The following ZSCAN30 variants were observed in gnomAD, a reference collection of about 807,000 sequenced individuals.
The protein encoded by ZSCAN30 is zinc finger and SCAN domain containing 30.
A neutral mutation model predicts 44.3 loss-of-function variants in ZSCAN30; 37 were observed. The observed-to-expected ratio is 0.84, with a 90% CI of 0.64 to 1.10. The LOEUF (loss-of-function observed/expected upper bound fraction) is 1.10. Among genes scored for constraint, ZSCAN30 ranks in the 50% least tolerant of loss-of-function variants. ZSCAN30 has a pLI of 0.00. For missense variants in ZSCAN30, 549 were observed against 582.6 expected (o/e 0.94, Z 0.59); for synonymous variants, 181 against 204.6 (o/e 0.88, Z 0.98).
chr18:35,255,430 G>T (rs1184589604), intron 3 of ZSCAN30, among the ~76,000 whole-genome samples: 1 of 151,966 alleles, frequency 6.6e-6, no homozygotes, highest in East Asian at 2.0e-4. Context: ...TCAGGAAACT[G>T]AGGCTCAGAG....
intron 1 of ZSCAN30, among the ~76,000 whole-genome samples, chr18:35,289,053 C>T (rs753488031): frequency 1.3e-5 from 2 of 152,066 alleles, no homozygotes; most frequent in Non-Finnish European, 2.9e-5. Flanking sequence ...CTGCAACCTC[C>T]GCCTCCTGGG....
Position 35,251,820 on chromosome 18 carries a change from C to G in ZSCAN30, c.*1630G>C, listed in dbSNP as rs2043607932. On this transcript the variant is annotated 3_prime_UTR_variant, in exon 4 of 4. Coordinates refer to ENST00000333206, the MANE Select transcript of ZSCAN30 (RefSeq NM_001112734.4). ...CTCTTTTTTTTTTTTAATAAATTAC[C>G]CAGTATCAGGTAGTATCTTCATAGC... 2.0e-5 allele frequency: 3 copies of G among 151,836 alleles called. No individual in the cohort carries two copies. The highest frequency in any genetic ancestry group is 2.9e-5 in the Non-Finnish European group (2 of 67,988). 9.4% of individuals were successfully genotyped at this position (151,836 alleles called of 1,614,324 possible).
chr18:35,267,843 A>G (rs756142781), intron 1 of ZSCAN30: 1 of 151,944 alleles, frequency 6.6e-6, no homozygotes, highest in African/African-American at 2.4e-5. Flanking sequence ...CATGATCTCT[A>G]CATTTTGAGA....
chr18:35,272,338 T>A lies in ZSCAN30; in HGVS notation c.-103-7883A>T, dbSNP rs985607874. Among the ~76,000 whole-genome samples the A allele has an allele frequency of 3.9e-5, 5 of 127,898 alleles. No individual in the cohort carries two copies. In the Admixed American group the frequency reaches 4.3e-4, roughly 11 times the overall value. 83.9% of individuals were successfully genotyped at this position (127,898 alleles called of 152,430 possible). On this transcript the variant is annotated intron_variant, in intron 1 of 3. Coordinates refer to ENST00000333206, the MANE Select transcript of ZSCAN30 (RefSeq NM_001112734.4). Reference sequence around the variant, plus strand: ...AGCCACCGTGCCCGGCCCATATCCATCATTTTAGAAAGTTTTTTTTTTTTT... The same window carrying A: ...AGCCACCGTGCCCGGCCCATATCCAACATTTTAGAAAGTTTTTTTTTTTTT...
intron 1 of ZSCAN30, among the ~76,000 whole-genome samples, chr18:35,277,668 C>A (rs576406063): frequency 2.0e-5 from 3 of 152,152 alleles, no homozygotes; most frequent in Non-Finnish European, 4.4e-5. Flanking sequence ...AATTAAACAT[C>A]TTTCCTTTAT....
chr18:35,264,825 C>CT (rs1411754686), intron 1 of ZSCAN30, among the ~76,000 whole-genome samples: 2 of 152,052 alleles, frequency 1.3e-5, no homozygotes, highest in African/African-American at 4.8e-5. Flanking sequence ...TATGCTTTTC[C>CT]TAACAACTCT....
At chr18:35,276,320 C>T (rs1349214156) in intron 1 of ZSCAN30, among the ~76,000 whole-genome samples, 1 of 151,602 alleles carries the variant, frequency 6.6e-6, no homozygotes, top group Non-Finnish European at 1.5e-5. Context: ...ATTACTAACT[C>T]AATCTCTTTA....
chr18:35,270,492 A>G (rs186209791), intron 1 of ZSCAN30, among the ~76,000 whole-genome samples: 8 of 152,274 alleles, frequency 5.3e-5, no homozygotes, highest in South Asian at 4.1e-4. Flanking sequence ...TTTAGTGATA[A>G]TGTACTTTTA....
At chr18:35,265,379 T>A (rs1412872524) in intron 1 of ZSCAN30, among the ~76,000 whole-genome samples, 1 of 152,218 alleles carries the variant, frequency 6.6e-6, no homozygotes, top group African/African-American at 2.4e-5. Flanking sequence ...TCAGGTATTA[T>A]CATCTCAATT....
rs2043613781 is a variant in ZSCAN30 at position 35,251,970 on chromosome 18, GTTAA to G, written c.*1476_*1479del. 1 of 152,076 alleles carries G rather than the reference GTTAA, an allele frequency of 6.6e-6. No individual in the cohort carries two copies. Among genetic ancestry groups the G allele is most frequent in the African/African-American group, 2.4e-5 (1 of 41,382 alleles). 9.4% of individuals were successfully genotyped at this position (152,076 alleles called of 1,614,324 possible). ...TATTAATTGCCCTCAGCAATTGTGG[GTTAA>G]TTAAAACTGCCAAAATAAAAATTAG... On this transcript the variant is annotated 3_prime_UTR_variant, in exon 4 of 4. Transcript: ENST00000333206.
rs558923326 is a variant in ZSCAN30 at position 35,288,707 on chromosome 18, A to G, written c.-104+1377T>C. On this transcript the variant is annotated intron_variant, in intron 1 of 3. Coordinates refer to ENST00000333206, the MANE Select transcript of ZSCAN30 (RefSeq NM_001112734.4). ...AAACAACTCTGACAAAAACAAGGAC[A>G]TTCTGTATGATTCCATTTAAATAAA... is the stretch of plus-strand genomic sequence containing the variant. Among the ~76,000 whole-genome samples the G allele has an allele frequency of 3.3e-5, 5 of 152,394 alleles. No homozygotes were observed. The East Asian group carries it at 9.6e-4, about 29-fold the overall frequency.
At chr18:35,261,158 T>C (rs1004018214) in intron 3 of ZSCAN30, 3 of 152,252 alleles carry the variant, frequency 2.0e-5, no homozygotes, top group Admixed American at 1.3e-4. Context: ...TATCAAGTGG[T>C]TGTAGATGTG....
chr18:35,253,520 C>G lies in ZSCAN30; in HGVS notation c.1415G>C (p.Ser472Thr), dbSNP rs1467740666. The G allele has an allele frequency of 1.2e-6, 2 of 1,612,656 alleles. No homozygotes were observed. Among genetic ancestry groups the G allele is most frequent in the Admixed American group, 3.3e-5 (2 of 59,942 alleles). Residue 472 changes from serine (S) to threonine (T), a missense_variant, in exon 4 of 4, where the codon AGT becomes ACT. Transcript: ENST00000333206. ...IHTGEKPYEC[S>T]ECRKTFRHRS... ...ATGCCTAAATGTTTTTCTACATTCACTACATTCATAAGGCTTCTCTCCAGT... is the reference window on the plus strand; with the variant it reads ...ATGCCTAAATGTTTTTCTACATTCAGTACATTCATAAGGCTTCTCTCCAGT...
chr18:35,275,257 A>G (rs964914348), intron 1 of ZSCAN30, among the ~76,000 whole-genome samples: 1 of 152,244 alleles, frequency 6.6e-6, no homozygotes, highest in African/African-American at 2.4e-5. Context: ...TAGTGTTATG[A>G]TGGAGATGGC....
chr18:35,271,342 A>G (rs139956602), intron 1 of ZSCAN30, among the ~76,000 whole-genome samples: 1 of 152,134 alleles, frequency 6.6e-6, no homozygotes, highest in African/African-American at 2.4e-5. Context: ...AGCTAGACAC[A>G]GAGTGCTGAT....
intron 1 of ZSCAN30, chr18:35,269,341 T>C (rs141439142): frequency 1.4e-3 from 218 of 152,146 alleles, no homozygotes; most frequent in African/African-American, 5.1e-3. Context: ...GCCTATAACA[T>C]AGATAACCCC....
chr18:35,253,720 T>G lies in ZSCAN30; in HGVS notation c.1215A>C (p.Lys405Asn). 1 of 1,614,134 alleles carries G rather than the reference T, an allele frequency of 6.2e-7. No individual in the cohort carries two copies. The highest frequency in any genetic ancestry group is 8.5e-7 in the Non-Finnish European group (1 of 1,180,014). The stretch of plus-strand genomic sequence containing the variant: ...CATAGCTTTTATCTCCAGTGTGAAT[T>G]TTCTTATGCTGAATAAGGGCTGAGC... ...SRSSALIQHK[K>N]IHTGDKSYEC... The change falls in exon 4 of 4, where the codon AAA becomes AAC. Residue 405 changes from lysine to asparagine, a missense_variant. Physicochemically the swap from Lys to Asn is moderately conservative, Grantham distance 94. Coordinates refer to ENST00000333206, the MANE Select transcript of ZSCAN30 (RefSeq NM_001112734.4).
intron 1 of ZSCAN30, among the ~76,000 whole-genome samples, chr18:35,277,719 G>T (rs1260261417): frequency 6.6e-6 from 1 of 152,094 alleles, no homozygotes; most frequent in Non-Finnish European, 1.5e-5. Flanking sequence ...GGCAGCATGA[G>T]AACAGACTAA....
intron 3 of ZSCAN30, chr18:35,258,268 C>A: frequency 2.6e-6 from 1 of 388,828 alleles, no homozygotes; most frequent in African/African-American, 2.0e-5. Context: ...AAATGGAGAA[C>A]GAGTAAATTT....
Sources: allele counts gnomAD v4.1 joint callset (sites outside exome capture counted in the v4.1 genomes callset), GRCh38; gene constraint gnomAD v4.1.1; transcripts MANE v1.5; gene names NCBI Gene and HGNC (gene_info 2026-07-23, HGNC 2026-07-21).